SMC1B: variants seen among roughly 807,000 people sequenced by gnomAD.
The protein encoded by SMC1B is structural maintenance of chromosomes protein 1B.
SMC1B carries 60 observed loss-of-function variants against 157.9 expected under a neutral mutation model. That is an observed-to-expected ratio of 0.38 (90% confidence interval 0.31 to 0.47). The LOEUF is 0.47. Ranked by LOEUF, SMC1B falls within the 20% of genes least tolerant of loss-of-function variation. The probability of loss-of-function intolerance (pLI) is 0.99; values close to 1 mark genes in which losing one functional copy is unlikely to be tolerated. For missense variants in SMC1B, 1,165 were observed against 1,426.2 expected (o/e 0.82, Z 2.95); for synonymous variants, 445 against 483.0 (o/e 0.92, Z 1.03).
At chr22:45,374,440 T>TG (rs1354921008) in intron 12 of SMC1B, among the ~76,000 whole-genome samples, 1 of 152,218 alleles carries the variant, frequency 6.6e-6, no homozygotes, top group Non-Finnish European at 1.5e-5. Flanking sequence ...AGTCCTACCA[T>TG]GACTTGTCTT....
At chr22:45,358,673 A>G in intron 19 of SMC1B, 24 bp downstream of exon 19, 4 of 1,383,420 alleles carry the variant, frequency 2.9e-6, no homozygotes, top group Non-Finnish European at 4.1e-6. Context: ...TGTGAGTGAT[A>G]AACAACAGAA....
chr22:45,372,063 T>A, intron 13 of SMC1B, 92 bp downstream of exon 13: 1 of 1,116,026 alleles, frequency 9.0e-7, no homozygotes, highest in Non-Finnish European at 1.2e-6. Flanking sequence ...AAAAAAAGTA[T>A]CTGAAAATTA....
chr22:45,372,688 C>T (rs973826390), intron 12 of SMC1B, among the ~76,000 whole-genome samples: 3 of 151,578 alleles, frequency 2.0e-5, no homozygotes, highest in African/African-American at 7.3e-5. Context: ...TTAACTCCCT[C>T]AGACACTCCC....
intron 11 of SMC1B, among the ~76,000 whole-genome samples, chr22:45,385,004 A>G (rs1236285687): frequency 6.6e-6 from 1 of 152,178 alleles, no homozygotes; most frequent in African/African-American, 2.4e-5. Flanking sequence ...CCATATTAAA[A>G]GGGCACAGTA....
At chr22:45,356,727 C>CTTTT (rs1174032906) in intron 19 of SMC1B, among the ~76,000 whole-genome samples, 26 of 126,426 alleles carry the variant, frequency 2.1e-4, no homozygotes, top group Non-Finnish European at 2.7e-4. Context: ...TTTTTCTTTT[C>CTTTT]TTTTTTTTTT....
intron 10 of SMC1B, among the ~76,000 whole-genome samples, chr22:45,388,986 C>CAAAAAAAAAAAAAAAAAAAAAAAAAAAA (rs371475132): frequency 1.1e-4 from 6 of 54,468 alleles, no homozygotes; most frequent in Non-Finnish European, 1.4e-4. Flanking sequence ...GACTCTGCCT[C>CAAAAAAAAAAAAAAAAAAAAAAAAAAAA]AAAAAAAAAA....
At chr22:45,394,800 C>A in intron 7 of SMC1B, 33 bp from the exon 8 acceptor site, 1 of 1,477,604 alleles carries the variant, frequency 6.8e-7, no homozygotes, top group Non-Finnish European at 9.0e-7. Context: ...AAATCAATTA[C>A]GGCAATTCCA....
intron 23 of SMC1B, among the ~76,000 whole-genome samples, chr22:45,348,029 A>G (rs2086569600): frequency 6.6e-6 from 1 of 152,174 alleles, no homozygotes; most frequent in Non-Finnish European, 1.5e-5. Context: ...TTCATGTTCC[A>G]TAGCAGACCC....
chr22:45,354,856 A>C (rs186164984), intron 20 of SMC1B, 103 bp downstream of exon 20: 1 of 1,077,660 alleles, frequency 9.3e-7, no homozygotes, highest in East Asian at 2.4e-5. Context: ...AGAGGAAAAA[A>C]TCTATAACAA....
At chr22:45,396,118 C>T (rs1412926491) in intron 7 of SMC1B, among the ~76,000 whole-genome samples, 1 of 152,134 alleles carries the variant, frequency 6.6e-6, no homozygotes, top group Admixed American at 6.5e-5. Flanking sequence ...GTAATTCCTG[C>T]TATGTTACCA....
chr22:45,377,229 CT>C (rs1422036240), intron 12 of SMC1B, among the ~76,000 whole-genome samples: 6 of 152,128 alleles, frequency 3.9e-5, no homozygotes, highest in Non-Finnish European at 5.9e-5. Flanking sequence ...TTGCGTCTAG[CT>C]TTTTTTTCCT....
chr22:45,352,272 C>G (rs1292222974), intron 22 of SMC1B, among the ~76,000 whole-genome samples, 179 bp downstream of exon 22: 1 of 151,610 alleles, frequency 6.6e-6, no homozygotes, highest in African/African-American at 2.4e-5. Flanking sequence ...CTTCGATTTG[C>G]TGTGTAAAGT....
At chr22:45,362,798 A>T in intron 16 of SMC1B, 87 bp downstream of exon 16, 1 of 1,064,036 alleles carries the variant, frequency 9.4e-7, no homozygotes, top group Non-Finnish European at 1.4e-6. Flanking sequence ...CACTAACAGG[A>T]CCCTTCAGGA....
At chr22:45,354,743 T>C (rs1309677267) in intron 20 of SMC1B, among the ~76,000 whole-genome samples, 1 of 152,178 alleles carries the variant, frequency 6.6e-6, no homozygotes, top group Non-Finnish European at 1.5e-5. Context: ...AATACATGTG[T>C]TTTAAAATCA....
intron 14 of SMC1B, among the ~76,000 whole-genome samples, chr22:45,371,069 C>T (rs2086826371): frequency 6.6e-6 from 1 of 152,016 alleles, no homozygotes; most frequent in African/African-American, 2.4e-5. Context: ...TTTTATTGTC[C>T]TAGAGCCAAG....
At chr22:45,345,948 A>AAGGG (rs2086547164) in intron 23 of SMC1B, among the ~76,000 whole-genome samples, 1 of 152,186 alleles carries the variant, frequency 6.6e-6, no homozygotes, top group Non-Finnish European at 1.5e-5. Flanking sequence ...TCACACCTGT[A>AAGGG]ACCCCAGCAC....
At chr22:45,406,032 T>C (rs1181245588) in intron 4 of SMC1B, among the ~76,000 whole-genome samples, 2 of 152,366 alleles carry the variant, frequency 1.3e-5, no homozygotes, top group African/African-American at 2.4e-5. Flanking sequence ...AATGAGTTTA[T>C]TGCTATTTTT....
intron 15 of SMC1B, among the ~76,000 whole-genome samples, chr22:45,363,564 C>T (rs1392601585): frequency 6.6e-6 from 1 of 151,844 alleles, no homozygotes; most frequent in African/African-American, 2.4e-5. Flanking sequence ...ACCTACAGTC[C>T]CAGCTACTCA....
chr22:45,381,243 T>C (rs1467888070), intron 12 of SMC1B, among the ~76,000 whole-genome samples: 1 of 152,162 alleles, frequency 6.6e-6, no homozygotes, highest in Non-Finnish European at 1.5e-5. Context: ...GATACGTTTA[T>C]GTATTTCTTT....
Sources: gnomAD v4.1 joint callset for allele counts (sites outside exome capture counted in the v4.1 genomes callset) on GRCh38, gnomAD v4.1.1 for gene constraint, MANE v1.5 for transcripts, NCBI Gene and HGNC (gene_info 2026-07-23, HGNC 2026-07-21) for gene names.